LRMDA: variants seen among roughly 807,000 people sequenced by gnomAD.
LRMDA encodes leucine rich melanocyte differentiation associated.
Under a neutral mutation model 29.8 loss-of-function variants are expected in LRMDA, and 18 were observed. That is an observed-to-expected ratio of 0.60 (90% confidence interval 0.42 to 0.90). The LOEUF (loss-of-function observed/expected upper bound fraction) is 0.90, where lower values mean the gene tolerates loss of function less well. LRMDA is among the 40% of genes least tolerant of loss of function. LRMDA has a pLI of 0.00. For missense variants in LRMDA, 273 were observed against 273.9 expected (o/e 1.00, Z 0.02); for synonymous variants, 125 against 109.4 (o/e 1.14, Z -0.89).
intron 2 of LRMDA, among the ~76,000 whole-genome samples, chr10:75,875,015 C>T (rs956483981): frequency 2.0e-5 from 3 of 152,190 alleles, no homozygotes; most frequent in Admixed American, 2.0e-4. Flanking sequence ...AGGGCCACAT[C>T]GTCCTAGAAG....
chr10:76,447,260 A>G (rs1842362892), intron 6 of LRMDA, among the ~76,000 whole-genome samples: 2 of 152,012 alleles, frequency 1.3e-5, no homozygotes, highest in Non-Finnish European at 1.5e-5. Context: ...TTTTATATCT[A>G]TTAGTTTACA....
chr10:76,344,910 AAAAG>A (rs1173321100), intron 6 of LRMDA, among the ~76,000 whole-genome samples: 1 of 151,756 alleles, frequency 6.6e-6, no homozygotes, highest in Non-Finnish European at 1.5e-5. Flanking sequence ...GTGAAAAAAA[AAAAG>A]AAATCATACA....
At chr10:76,366,197 T>C (rs1264344244) in intron 6 of LRMDA, among the ~76,000 whole-genome samples, 1 of 152,222 alleles carries the variant, frequency 6.6e-6, no homozygotes, top group East Asian at 1.9e-4. Flanking sequence ...TTTGTTCTTT[T>C]GACTTAGACT....
intron 2 of LRMDA, among the ~76,000 whole-genome samples, chr10:75,827,172 G>A (rs989998868): frequency 2.6e-5 from 4 of 152,176 alleles, no homozygotes; most frequent in African/African-American, 9.7e-5. Context: ...TGCGTGCTCA[G>A]GGGACTGCTT....
At chr10:76,000,208 A>T (rs1847537575) in intron 2 of LRMDA, among the ~76,000 whole-genome samples, 1 of 152,156 alleles carries the variant, frequency 6.6e-6, no homozygotes, top group Admixed American at 6.5e-5. Context: ...GATGGCGCTG[A>T]TGAATGCGAG....
chr10:75,625,281 C>T (rs893507975), intron 2 of LRMDA, among the ~76,000 whole-genome samples: 1 of 152,164 alleles, frequency 6.6e-6, no homozygotes, highest in Admixed American at 6.5e-5. Flanking sequence ...TCATAACAAC[C>T]CTGTGAGAGA....
intron 6 of LRMDA, among the ~76,000 whole-genome samples, chr10:76,397,187 G>A (rs1841794876): frequency 6.6e-6 from 1 of 152,184 alleles, no homozygotes; most frequent in South Asian, 2.1e-4. Context: ...CAGCTGTGGA[G>A]GGAATCGGTC....
intron 5 of LRMDA, among the ~76,000 whole-genome samples, chr10:76,140,466 A>G (rs1169533237): frequency 1.3e-5 from 2 of 152,138 alleles, no homozygotes; most frequent in Admixed American, 1.3e-4. Context: ...TCAAGATGGT[A>G]TTTAAGCCTG....
intron 5 of LRMDA, among the ~76,000 whole-genome samples, chr10:76,308,726 C>G (rs536334461): frequency 6.6e-6 from 1 of 152,206 alleles, no homozygotes; most frequent in African/African-American, 2.4e-5. Context: ...CTCAAAACCT[C>G]TCCCCATAGT....
chr10:75,992,528 C>T (rs1396907063), intron 2 of LRMDA, among the ~76,000 whole-genome samples: 1 of 152,160 alleles, frequency 6.6e-6, no homozygotes, highest in African/African-American at 2.4e-5. Context: ...CATAATGACT[C>T]ATAAAAGTTA....
chr10:76,384,500 G>C (rs1841636393), intron 6 of LRMDA, among the ~76,000 whole-genome samples: 1 of 152,070 alleles, frequency 6.6e-6, no homozygotes, highest in South Asian at 2.1e-4. Context: ...CTATCTTTCT[G>C]CTCCAACTGT....
intron 6 of LRMDA, among the ~76,000 whole-genome samples, chr10:76,356,089 T>G (rs772078084): frequency 5.9e-5 from 9 of 152,174 alleles, no homozygotes; most frequent in Non-Finnish European, 1.2e-4. Flanking sequence ...GTATTCCTCC[T>G]TGTAAAATAA....
At position 76,500,680 on chromosome 10, in the gene LRMDA, C is replaced by T. The variant is rs1169403049; in HGVS notation, c.602-56529C>T. Among the ~76,000 whole-genome samples, 2 of 75,254 alleles carry T rather than the reference C, an allele frequency of 2.7e-5. 1 individual carries two copies. Among genetic ancestry groups the T allele is most frequent in the Non-Finnish European group, 8.8e-5 (2 of 22,680 alleles). The allele number at this position is 75,254 out of a possible 152,430, so 49.4% of individuals were successfully genotyped here. A position where few individuals can be genotyped will look rare whatever the true frequency, so the allele number is the denominator to read the frequency against. ...CCAATGTTTGAAAAATTAAATTCCA[C>T]TGTGCCTTTAGTTTGCATTTCCTTA... On this transcript the variant is annotated intron_variant, in intron 6 of 6. Transcript: ENST00000611255.
chr10:75,964,143 T>A (rs139528945), intron 2 of LRMDA, among the ~76,000 whole-genome samples: 7 of 152,318 alleles, frequency 4.6e-5, no homozygotes, highest in African/African-American at 1.4e-4. Context: ...AGAGAAGGAA[T>A]GCGTTACAAA....
At chr10:76,256,408 C>G (rs74363370) in intron 5 of LRMDA, among the ~76,000 whole-genome samples, 276 of 152,278 alleles carry the variant, frequency 1.8e-3, no homozygotes, top group African/African-American at 5.3e-3. Context: ...CAGTCGGAGT[C>G]CTTTGGAGAA....
chr10:75,466,807 T>G (rs1844656299), intron 2 of LRMDA, among the ~76,000 whole-genome samples: 1 of 152,078 alleles, frequency 6.6e-6, no homozygotes. Flanking sequence ...GACCTGGATC[T>G]CTCCCACCTC....
intron 6 of LRMDA, among the ~76,000 whole-genome samples, chr10:76,516,469 TATCTCCTA>T (rs1589222040): frequency 1.3e-5 from 2 of 152,144 alleles, no homozygotes; most frequent in African/African-American, 4.8e-5. Flanking sequence ...GCATTAGGTA[TATCTCCTA>T]ATGCTATCCC....
intron 6 of LRMDA, chr10:76,470,509 G>A (rs1842607416): frequency 6.6e-6 from 1 of 151,966 alleles, no homozygotes; most frequent in Non-Finnish European, 1.5e-5. Flanking sequence ...TGTCCATCAA[G>A]GGATTAATGG....
chr10:76,478,201 A>G (rs988368947), intron 6 of LRMDA, among the ~76,000 whole-genome samples: 3 of 151,712 alleles, frequency 2.0e-5, no homozygotes, highest in Non-Finnish European at 4.4e-5. Context: ...CAACAAATTT[A>G]CAAGAAAAAA....
Sources: allele counts gnomAD v4.1 joint callset (sites outside exome capture counted in the v4.1 genomes callset), GRCh38; gene constraint gnomAD v4.1.1; transcripts MANE v1.5; gene names NCBI Gene and HGNC (gene_info 2026-07-23, HGNC 2026-07-21).